The following HUWE1 variants were observed in gnomAD, a reference collection of about 807,000 sequenced individuals.
HUWE1 encodes the protein E3 ubiquitin-protein ligase HUWE1.
A neutral mutation model predicts 299.4 loss-of-function variants in HUWE1; 18 were observed. The observed-to-expected ratio is 0.06, with a 90% CI of 0.04 to 0.09. HUWE1 has a LOEUF of 0.09. Ranked by LOEUF, HUWE1 falls within the 10% of genes least tolerant of loss-of-function variation. HUWE1 has a pLI of 1.00. For missense variants in HUWE1, 1,832 were observed against 3,462.3 expected (o/e 0.53, Z 11.82); for synonymous variants, 1,317 against 1,286.1 (o/e 1.02, Z -0.51).
Position 53,562,948 on chromosome X carries a change from A to G in HUWE1, c.7106-19T>C. On this transcript the variant is annotated intron_variant, in intron 52 of 83. Transcript: ENST00000262854. ...CTGCTCACTGAAGGTTACAGAGCAGAGCCTTCACTGAACAACAGAGGACTT... is the reference window on the plus strand; with the variant it reads ...CTGCTCACTGAAGGTTACAGAGCAGGGCCTTCACTGAACAACAGAGGACTT... The G allele has an allele frequency of 2.6e-6, 3 of 1,162,439 alleles. No homozygotes were observed. The highest frequency in any genetic ancestry group is 3.5e-6 in the Non-Finnish European group (3 of 850,995).
Position 53,580,776 on chromosome X carries a change from G to C in HUWE1, c.5716+55C>G, listed in dbSNP as rs1490586443. 1.8e-5 allele frequency: 20 copies of C among 1,133,532 alleles called. No individual in the cohort carries two copies. The Admixed American group carries it at 3.6e-4, about 20-fold the overall frequency. 93.4% of individuals were successfully genotyped at this position (1,133,532 alleles called of 1,213,427 possible). On this transcript the variant is annotated intron_variant, in intron 43 of 83. Transcript: ENST00000262854. ...AGACCTCCTCATAAATAAATTTCTG[G>C]ATTTATACCAGGCCACAAACTTAAT...
chrX:53,543,791 G>A (rs1556920540), intron 73 of HUWE1, 50 bp downstream of exon 73: 1 of 1,209,446 alleles, frequency 8.3e-7, no homozygotes, highest in Admixed American at 2.2e-5. Context: ...ACATGGTGGG[G>A]GGATGAGTGG....
chrX:53,533,236 TTC>T lies in HUWE1; in HGVS notation c.*71_*72del, dbSNP rs1182018164. On this transcript the variant is annotated 3_prime_UTR_variant, in exon 84 of 84. Transcript: ENST00000262854. The stretch of plus-strand genomic sequence containing the variant: ...TTGGTTTTTGACAATTTCTTTCTGG[TTC>T]TTTTTTTAACTCCCCCCTCCCCAGG... 1 of 643,845 alleles carries T rather than the reference TTC, an allele frequency of 1.6e-6. No individual in the cohort carries two copies. The highest frequency in any genetic ancestry group is 2.2e-5 in the African/African-American group (1 of 44,871). 53.1% of individuals were successfully genotyped at this position (643,845 alleles called of 1,213,427 possible). A position where few individuals can be genotyped will look rare whatever the true frequency, so the allele number is the denominator to read the frequency against.
At chrX:53,562,062 T>TC in intron 54 of HUWE1, 49 bp downstream of exon 54, 7 of 1,210,981 alleles carry the variant, frequency 5.8e-6, no homozygotes, top group Non-Finnish European at 7.8e-6. Context: ...AGCTCTATGT[T>TC]CCCATGGAAG....
intron 53 of HUWE1, 140 bp downstream of exon 53, chrX:53,562,691 G>T: frequency 1.9e-6 from 1 of 520,656 alleles, no homozygotes; most frequent in Non-Finnish European, 3.4e-6. Context: ...AGGATAAAGT[G>T]GATGGTGTAT....
intron 3 of HUWE1, among the ~76,000 whole-genome samples, chrX:53,656,060 CAGAGCG>C (rs2068729124): frequency 9.0e-6 from 1 of 110,726 alleles, no homozygotes; most frequent in African/African-American, 3.3e-5. Context: ...GCCTGGGCAA[CAGAGCG>C]AGACTCCATC....
intron 4 of HUWE1, among the ~76,000 whole-genome samples, chrX:53,650,063 G>A (rs2068350589): frequency 1.8e-5 from 2 of 111,897 alleles, no homozygotes; most frequent in Non-Finnish European, 3.8e-5. Flanking sequence ...GGTCTACTAG[G>A]TCATAATGTC....
chrX:53,536,720 T>C, intron 78 of HUWE1, 53 bp from the exon 79 acceptor site: 1 of 1,052,566 alleles, frequency 9.5e-7, no homozygotes, highest in East Asian at 3.1e-5. Flanking sequence ...CCAGGATACA[T>C]CCAGTCATTT....
chrX:53,578,559 C>T lies in HUWE1; in HGVS notation c.5717-1492G>A, dbSNP rs782560844. ...GGGGTCAGCCCCCCGCCCGGCCAGC[C>T]GCCCCGTCCGGGAGGGGGGAGGGGG... On this transcript the variant is annotated intron_variant, in intron 43 of 83. Transcript: ENST00000262854. Among the ~76,000 whole-genome samples the T allele has an allele frequency of 1.0e-4, 10 of 96,187 alleles. 1 individual carries two copies. Among genetic ancestry groups the T allele is most frequent in the African/African-American group, 4.0e-4 (10 of 25,252 alleles). The allele number at this position is 96,187 out of a possible 115,157, so 83.5% of individuals were successfully genotyped here.
At chrX:53,582,156 A>G (rs1414456973) in intron 42 of HUWE1, among the ~76,000 whole-genome samples, 1 of 112,615 alleles carries the variant, frequency 8.9e-6, no homozygotes, top group East Asian at 2.8e-4. Flanking sequence ...TAATTTACCT[A>G]AAGTTAAAAC....
In HUWE1 at chrX:53,589,767, T is replaced by A. The variant is rs143605537; in HGVS notation, c.4241A>T (p.Gln1414Leu). 2 of 1,208,937 alleles carry A rather than the reference T, an allele frequency of 1.7e-6. No homozygotes were observed. The highest frequency in any genetic ancestry group is 3.5e-5 in the African/African-American group (2 of 57,082). The change falls in exon 36 of 84, where the codon CAG becomes CTG. Residue 1414 changes from glutamine (Q) to leucine (L), a missense_variant. Around this residue, in one of 15 missense-constraint regions of HUWE1, gnomAD observed 658 missense variants for 1,282.6 expected, o/e 0.51. Transcript: ENST00000262854. ...EEEERKAREK[Q>L]EEEEAKCLEK... ...TAGACATTTAGCCTCTTCCTCCTCC[T>A]GCTTTTCCCGAGCTTTCCGTTCCTC... is the stretch of plus-strand genomic sequence containing the variant.
chrX:53,590,392 T>C lies in HUWE1; in HGVS notation c.4191+12A>G. On this transcript the variant is annotated intron_variant, in intron 35 of 83. Transcript: ENST00000262854. ...GTGCCAAGCCCTTTAGGATGCAGTG[T>C]TCCATAGTTACCTCAGGTGACTCTG... 1.8e-6 allele frequency: 2 copies of C among 1,120,163 alleles called. No individual in the cohort carries two copies. Among genetic ancestry groups the C allele is most frequent in the Non-Finnish European group, 2.5e-6 (2 of 811,556 alleles). The allele number at this position is 1,120,163 out of a possible 1,213,427, so 92.3% of individuals were successfully genotyped here. A position where few individuals can be genotyped will look rare whatever the true frequency, so the allele number is the denominator to read the frequency against.
At chrX:53,674,137 T>A (rs1557050329) in intron 3 of HUWE1, among the ~76,000 whole-genome samples, 2 of 111,919 alleles carry the variant, frequency 1.8e-5, no homozygotes, top group African/African-American at 6.5e-5. Context: ...CATTTCTGAT[T>A]ATTAGTTTGA....
chrX:53,592,889 G>C (rs2064238641), intron 32 of HUWE1, among the ~76,000 whole-genome samples: 1 of 111,447 alleles, frequency 9.0e-6, no homozygotes, highest in African/African-American at 3.3e-5. Flanking sequence ...GGGTCATGGG[G>C]GTGGATCCCT....
intron 47 of HUWE1, among the ~76,000 whole-genome samples, chrX:53,571,942 CATA>C (rs1556951954): frequency 1.3e-4 from 14 of 111,973 alleles, no homozygotes; most frequent in African/African-American, 4.2e-4. Flanking sequence ...TACTCTTAGG[CATA>C]TACTACCCAA....
At chrX:53,547,615 G>A in intron 68 of HUWE1, 58 bp downstream of exon 68, 1 of 1,192,840 alleles carries the variant, frequency 8.4e-7, no homozygotes, top group Non-Finnish European at 1.1e-6. Flanking sequence ...ATGGAAAAGG[G>A]GGTGAAGTGG....
rs1458990484 is a variant in HUWE1 at position 53,538,458 on chromosome X, AG to A, written c.11879-5del. 9.5e-6 allele frequency: 11 copies of A among 1,156,089 alleles called. No individual in the cohort carries two copies. Among genetic ancestry groups the A allele is most frequent in the Non-Finnish European group, 1.3e-5 (11 of 846,657 alleles). ...TTTAACACAGTGCGGTGAGTCTCTGAGGGGAGAAGTGACAGCAGGAATTAAG... is the reference window on the plus strand; with the variant it reads ...TTTAACACAGTGCGGTGAGTCTCTGAGGGAGAAGTGACAGCAGGAATTAAG... On this transcript the variant is annotated splice_region_variant and splice_polypyrimidine_tract_variant and intron_variant, in intron 76 of 83. Coordinates refer to ENST00000262854, the MANE Select transcript of HUWE1 (RefSeq NM_031407.7).
intron 3 of HUWE1, among the ~76,000 whole-genome samples, chrX:53,679,739 T>C (rs1940191960): frequency 1.8e-5 from 2 of 112,680 alleles, no homozygotes; most frequent in Admixed American, 1.9e-4. Flanking sequence ...TACTATTCAA[T>C]GTTTGCATGT....
chrX:53,533,583 C>T, intron 83 of HUWE1, 172 bp from the exon 84 acceptor site: 1 of 483,393 alleles, frequency 2.1e-6, no homozygotes, highest in Non-Finnish European at 3.7e-6. Flanking sequence ...GGCTCCCAAA[C>T]TGGCCATCAG....
Sources: gnomAD v4.1 joint callset for allele counts (sites outside exome capture counted in the v4.1 genomes callset) on GRCh38, gnomAD v4.1.1 for gene constraint, gnomAD v4.1.1 regional missense constraint, MANE v1.5 for transcripts, NCBI Gene and HGNC (gene_info 2026-07-23, HGNC 2026-07-21) for gene names.